LONRF1: variants seen among roughly 807,000 people sequenced by gnomAD.
LONRF1 encodes the protein LON peptidase N-terminal domain and ring finger 1.
LONRF1 carries 37 observed loss-of-function variants against 85.8 expected under a neutral mutation model. The observed-to-expected ratio is 0.43, with a 90% CI of 0.33 to 0.57. LONRF1 has a LOEUF of 0.57. Among genes scored for constraint, LONRF1 ranks in the 20% least tolerant of loss-of-function variants. LONRF1 has a pLI of 0.04. For missense variants in LONRF1, 1,036 were observed against 978.0 expected (o/e 1.06, Z -0.79); for synonymous variants, 517 against 390.1 (o/e 1.33, Z -3.83).
At chr8:12,731,137 C>G (rs1798513746) in intron 8 of LONRF1, among the ~76,000 whole-genome samples, 1 of 152,082 alleles carries the variant, frequency 6.6e-6, no homozygotes, top group African/African-American at 2.4e-5. Flanking sequence ...CCCTGCCTAC[C>G]CAGCTCCATC....
chr8:12,744,102 A>C (rs1291097845), intron 1 of LONRF1, among the ~76,000 whole-genome samples: 1 of 152,112 alleles, frequency 6.6e-6, no homozygotes, highest in Non-Finnish European at 1.5e-5. Context: ...CATTAACTTG[A>C]CTCTTATTTT....
chr8:12,750,694 G>C (rs1799345813), intron 1 of LONRF1, among the ~76,000 whole-genome samples: 1 of 152,096 alleles, frequency 6.6e-6, no homozygotes, highest in South Asian at 2.1e-4. Context: ...CCTATAATTT[G>C]ACTGATCTTC....
chr8:12,747,986 TCTG>T (rs1364124706), intron 1 of LONRF1, among the ~76,000 whole-genome samples: 4 of 152,198 alleles, frequency 2.6e-5, no homozygotes, highest in Non-Finnish European at 5.9e-5. Context: ...CTGTTTATAA[TCTG>T]CTTTTTTTCC....
chr8:12,732,379 C>T (rs1798561412), intron 7 of LONRF1, among the ~76,000 whole-genome samples: 1 of 152,202 alleles, frequency 6.6e-6, no homozygotes, highest in Non-Finnish European at 1.5e-5. Flanking sequence ...CAGACCTCAA[C>T]TCTGTCCTTG....
chr8:12,726,245 C>G (rs1798296899), intron 10 of LONRF1, among the ~76,000 whole-genome samples: 2 of 151,898 alleles, frequency 1.3e-5, no homozygotes, highest in South Asian at 4.2e-4. Context: ...AGCAGTGGAA[C>G]AAAAAAGTGG....
chr8:12,741,942 A>G (rs1450554958), intron 2 of LONRF1, among the ~76,000 whole-genome samples: 1 of 152,204 alleles, frequency 6.6e-6, no homozygotes, highest in Non-Finnish European at 1.5e-5. Flanking sequence ...CAAAGTATCA[A>G]CTGGTAAGCT....
rs756456187 is a variant in LONRF1 at position 12,743,196 on chromosome 8, C to T, written c.808G>A (p.Ala270Thr). 7.2e-5 allele frequency: 116 copies of T among 1,612,344 alleles called. No homozygotes were observed. The highest frequency in any genetic ancestry group is 9.7e-5 in the Non-Finnish European group (114 of 1,178,826). ...CAATCTGGAAGTTGAAAAAGAACTGCATTTAAATCTTCTATGGCTGCTTTA... is the reference window on the plus strand; with the variant it reads ...CAATCTGGAAGTTGAAAAAGAACTGTATTTAAATCTTCTATGGCTGCTTTA... ...EFKAAIEDLN[A>T]VLFQLPDWPE... Residue 270 changes from alanine (A) to threonine (T), a missense_variant, in exon 2 of 12, where the codon GCA becomes ACA. Transcript: ENST00000398246.
chr8:12,742,085 A>T (rs1798954984), intron 2 of LONRF1, among the ~76,000 whole-genome samples: 1 of 152,216 alleles, frequency 6.6e-6, no homozygotes, highest in Non-Finnish European at 1.5e-5. Context: ...AACCTTTCTG[A>T]TTACATCACT....
At position 12,740,858 on chromosome 8, in the gene LONRF1, T is replaced by C; in HGVS notation, c.963+16A>G. ...TTAGCCCTACCATGAACTGTAATTGTTGGTAAACTGATTACCTTTTGTACT... is the reference window on the plus strand; with the variant it reads ...TTAGCCCTACCATGAACTGTAATTGCTGGTAAACTGATTACCTTTTGTACT... On this transcript the variant is annotated intron_variant, in intron 3 of 11. Transcript: ENST00000398246. 3 of 1,612,750 alleles carry C rather than the reference T, an allele frequency of 1.9e-6. No individual in the cohort carries two copies. The highest frequency in any genetic ancestry group is 2.5e-6 in the Non-Finnish European group (3 of 1,179,210).
chr8:12,740,878 T>C lies in LONRF1; in HGVS notation c.959A>G (p.Gln320Arg). Residue 320 changes from glutamine (Q) to arginine (R), a missense_variant, in exon 3 of 12, where the codon CAA (glutamine) becomes CGA (arginine). Coordinates refer to ENST00000398246, the MANE Select transcript of LONRF1 (RefSeq NM_152271.5). ...AATTGTTGGTAAACTGATTACCTTT[T>C]GTACTTGCAGCTTTGCAGGTGCAAA... ...EDFAPAKLQV[Q>R]KILCDLLLPE... The C allele has an allele frequency of 6.2e-7, 1 of 1,613,372 alleles. No homozygotes were observed. Among genetic ancestry groups the C allele is most frequent in the South Asian group, 1.1e-5 (1 of 91,062 alleles).
In LONRF1 at chr8:12,754,690, G is replaced by A; in HGVS notation, c.721+10C>T. On this transcript the variant is annotated intron_variant, in intron 1 of 11. Transcript: ENST00000398246. ...GTCGGCCCGGCCCCGCCGCATCCCC[G>A]CGCGGTCACCTGCTCGCAGCGCCTC... 7.5e-7 allele frequency: 1 copy of A among 1,340,186 alleles called. No homozygotes were observed. The highest frequency in any genetic ancestry group is 1.5e-5 in the African/African-American group (1 of 64,684). The allele number at this position is 1,340,186 out of a possible 1,614,324, so 83.0% of individuals were successfully genotyped here. A position where few individuals can be genotyped will look rare whatever the true frequency, so the allele number is the denominator to read the frequency against.
intron 6 of LONRF1, 114 bp downstream of exon 6, chr8:12,736,587 A>AT: frequency 1.4e-6 from 1 of 726,000 alleles, no homozygotes; most frequent in South Asian, 2.4e-5. Flanking sequence ...ATGTCTTTTG[A>AT]TTTTTATTCC....
Position 12,743,299 on chromosome 8 carries a change from A to G in LONRF1, c.722-17T>C, listed in dbSNP as rs1487402809. 1 of 1,340,628 alleles carries G rather than the reference A, an allele frequency of 7.5e-7. No homozygotes were observed. The highest frequency in any genetic ancestry group is 1.1e-6 in the Non-Finnish European group (1 of 939,862). The allele number at this position is 1,340,628 out of a possible 1,614,324, so 83.0% of individuals were successfully genotyped here. A position where few individuals can be genotyped will look rare whatever the true frequency, so the allele number is the denominator to read the frequency against. On this transcript the variant is annotated splice_polypyrimidine_tract_variant and intron_variant, in intron 1 of 11. Transcript: ENST00000398246. ...CACTGGGTTCTGAAATAAATATTTT[A>G]TAAGGATATGATTATTTTTAAAAGA...
At chr8:12,738,701 C>G (rs1450559874) in intron 3 of LONRF1, 1 of 152,058 alleles carries the variant, frequency 6.6e-6, no homozygotes, top group Non-Finnish European at 1.5e-5. Flanking sequence ...CCTATAATAG[C>G]GAGGAAATAA....
chr8:12,750,696 C>A (rs775260605), intron 1 of LONRF1, among the ~76,000 whole-genome samples: 1 of 152,170 alleles, frequency 6.6e-6, no homozygotes, highest in Non-Finnish European at 1.5e-5. Context: ...TATAATTTGA[C>A]TGATCTTCTG....
chr8:12,738,026 G>C lies in LONRF1; in HGVS notation c.1082C>G (p.Ser361Cys). 1.2e-6 allele frequency: 2 copies of C among 1,610,224 alleles called. No individual in the cohort carries two copies. Among genetic ancestry groups the C allele is most frequent in the Non-Finnish European group, 1.7e-6 (2 of 1,178,428 alleles). Residue 361 changes from serine (S) to cysteine (C), a missense_variant, in exon 4 of 12, where the codon TCT (serine) becomes TGT (cysteine). This residue lies in a region of LONRF1 where 742 missense variants were observed against 614.4 expected (regional missense o/e 1.21). Transcript: ENST00000398246. ...TGGGCTAGGTTCATTGAGAGACTGA[G>C]ACTCTTCCATCACTGAATGAAAATC... ...PFDFHSVMEE[S>C]QSLNEPSPKQ...
chr8:12,731,482 G>T (rs147415638), intron 8 of LONRF1, among the ~76,000 whole-genome samples: 1 of 151,904 alleles, frequency 6.6e-6, no homozygotes, highest in East Asian at 1.9e-4. Context: ...ACTGCCTGAT[G>T]GCACTGTAGG....
chr8:12,752,132 T>A (rs945054668), intron 1 of LONRF1, among the ~76,000 whole-genome samples: 2 of 152,232 alleles, frequency 1.3e-5, no homozygotes, highest in African/African-American at 4.8e-5. Flanking sequence ...TGTTTCATTA[T>A]AAGAATTATA....
rs1463304370 is a variant in LONRF1, at chr8:12,723,096, T to C, written c.2322A>G (p.Ter774=). 6.2e-7 allele frequency: 1 copy of C among 1,608,448 alleles called. No homozygotes were observed. Among genetic ancestry groups the C allele is most frequent in the South Asian group, 1.1e-5 (1 of 90,054 alleles). ...LTYFSRDQSK[*] Reference sequence around the variant, plus strand: ...TTTAAAGGGAGATCCAAAGAGTTAGTTACTTAGATTGGTCTCTAGAAAAAT... The same window carrying C: ...TTTAAAGGGAGATCCAAAGAGTTAGCTACTTAGATTGGTCTCTAGAAAAAT... The change falls in exon 12 of 12, where the codon TAA becomes TAG. Residue 774 remains the stop codon, a stop_retained_variant. Transcript: ENST00000398246.
Sources: gnomAD v4.1 joint callset for allele counts (sites outside exome capture counted in the v4.1 genomes callset) on GRCh38, gnomAD v4.1.1 for gene constraint, gnomAD v4.1.1 regional missense constraint, MANE v1.5 for transcripts, NCBI Gene and HGNC (gene_info 2026-07-23, HGNC 2026-07-21) for gene names.